Variants in TUBB2A observed in about 807,000 individuals in gnomAD.
The protein encoded by TUBB2A is tubulin beta-2A chain.
In TUBB2A, 7 loss-of-function variants were observed where a neutral mutation model predicts 33.9. That is an observed-to-expected ratio of 0.21 (90% confidence interval 0.12 to 0.39). The LOEUF (loss-of-function observed/expected upper bound fraction) is 0.39. Among genes scored for constraint, TUBB2A ranks in the 10% least tolerant of loss-of-function variants. TUBB2A has a pLI of 1.00. For missense variants in TUBB2A, 80 were observed against 593.4 expected (o/e 0.13, Z 8.99); for synonymous variants, 187 against 247.6 (o/e 0.76, Z 2.30).
At position 3,154,556 on chromosome 6, in the gene TUBB2A, C is replaced by T. The variant is rs1762599878; in HGVS notation, c.645G>A (p.Leu215=). Residue 215 remains leucine, a synonymous_variant, in exon 4 of 4, where the codon CTG becomes CTA. Coordinates refer to ENST00000333628, the MANE Select transcript of TUBB2A (RefSeq NM_001069.3). The stretch of plus-strand genomic sequence containing the variant: ...CCCCGTAGGTGGGGGTGGTCAGCTT[C>T]AGGGTGCGGAAGCAGATGTCATACA... ...EALYDICFRT[L]KLTTPTYGDL... The T allele has an allele frequency of 6.2e-7, 1 of 1,613,424 alleles. No individual in the cohort carries two copies. Among genetic ancestry groups the T allele is most frequent in the African/African-American group, 1.3e-5 (1 of 74,720 alleles).
In TUBB2A at chr6:3,153,847, T is replaced by C. The variant is rs770665341; in HGVS notation, c.*16A>G. 11 of 1,613,934 alleles carry C rather than the reference T, an allele frequency of 6.8e-6. No individual in the cohort carries two copies. The highest frequency in any genetic ancestry group is 6.7e-5 in the Admixed American group (4 of 60,022). On this transcript the variant is annotated 3_prime_UTR_variant, in exon 4 of 4. Transcript: ENST00000333628. Reference sequence around the variant, plus strand: ...ACAGAAGTTCACTAAGGATGCACGATTGATCTGAGAAGTTTTTAAGCCTCG... The same window carrying C: ...ACAGAAGTTCACTAAGGATGCACGACTGATCTGAGAAGTTTTTAAGCCTCG...
intron 1 of TUBB2A, 38 bp downstream of exon 1, chr6:3,157,368 CG>C: frequency 6.8e-7 from 1 of 1,460,662 alleles, no homozygotes; most frequent in Non-Finnish European, 9.0e-7. Context: ...CCCGCACCCT[CG>C]GTCCCAACCC....
chr6:3,156,966 C>A (rs1184199671), intron 1 of TUBB2A, among the ~76,000 whole-genome samples: 1 of 152,186 alleles, frequency 6.6e-6, no homozygotes, highest in Non-Finnish European at 1.5e-5. Context: ...AGTGCCCGAG[C>A]AAGGGAATTT....
Position 3,155,168 on chromosome 6 carries a change from G to GT in TUBB2A, c.278-246_278-245insA, listed in dbSNP as rs1234556482. On this transcript the variant is annotated intron_variant, in intron 3 of 3. Coordinates refer to ENST00000333628, the MANE Select transcript of TUBB2A (RefSeq NM_001069.3). This position sits in a 1 kb window ranked among gnomAD's most constrained non-coding sequence, Gnocchi z 4.2. ...TTGATTGAGGAAGAGGATAGGGTTA[G>GT]AAAACTTAATTGGTTCTGAAATACA... is the stretch of plus-strand genomic sequence containing the variant. 4 of 1,098,412 alleles carry GT rather than the reference G, an allele frequency of 3.6e-6. No individual in the cohort carries two copies. The highest frequency in any genetic ancestry group is 5.0e-6 in the Non-Finnish European group (4 of 792,882). The allele number at this position is 1,098,412 out of a possible 1,614,324, so 68.0% of individuals were successfully genotyped here.
At position 3,155,382 on chromosome 6, in the gene TUBB2A, C is replaced by T. The variant is rs1195112008; in HGVS notation, c.277+243G>A. 6.6e-6 allele frequency among the ~76,000 whole-genome samples: 1 copy of T among 152,188 alleles called. No homozygotes were observed. The highest frequency in any genetic ancestry group is 1.9e-4 in the East Asian group (1 of 5,196). The stretch of plus-strand genomic sequence containing the variant: ...CTATGAAGCCTGGCTTGAAGCTTTT[C>T]CTTGCTCTTTCTTCCTTCCAGTCTG... On this transcript the variant is annotated intron_variant, in intron 3 of 3. Transcript: ENST00000333628. The surrounding 1 kb of genome is among the most constrained non-coding windows in gnomAD (Gnocchi z 4.2).
chr6:3,156,927 T>C (rs1048086997), intron 1 of TUBB2A, among the ~76,000 whole-genome samples: 2 of 151,982 alleles, frequency 1.3e-5, no homozygotes, highest in African/African-American at 4.8e-5. Context: ...GCAGCAAGAC[T>C]ATCGCGTTGT....
At position 3,154,856 on chromosome 6, in the gene TUBB2A, C is replaced by A. The variant is rs754658850; in HGVS notation, c.345G>T (p.Ser115=). The change falls in exon 4 of 4, where the codon TCG becomes TCT. Residue 115 remains serine, a synonymous_variant. Transcript: ENST00000333628. ...ACTCCTTCCTCACCACATCCAGGAC[C>A]GAGTCGACCAGCTCGGCTCCCTCTG... ...HYTEGAELVD[S]VLDVVRKESE... The A allele has an allele frequency of 1.9e-6, 3 of 1,613,452 alleles. No individual in the cohort carries two copies. In the South Asian group the frequency reaches 3.3e-5, roughly 18 times the overall value.
At chr6:3,157,350 G>C (rs945985926) in intron 1 of TUBB2A, 57 bp downstream of exon 1, 17 of 1,377,864 alleles carry the variant, frequency 1.2e-5, no homozygotes, top group Non-Finnish European at 1.6e-5. Context: ...CCCCCGCCCC[G>C]GCCCCAGCCC....
In TUBB2A at chr6:3,155,662, G is replaced by T. The variant is rs1054310; in HGVS notation, c.240C>A (p.Pro80=). The change falls in exon 3 of 4, where the codon CCC becomes CCA. Residue 80 remains proline (P), a synonymous_variant. Transcript: ENST00000333628. This position sits in a 1 kb window ranked among gnomAD's most constrained non-coding sequence, Gnocchi z 4.2. ...TGTCTGGTCTGAAGATCTGGCCGAAGGGTCCAGACCTGACAGAGTCCATGG... is the reference window on the plus strand; with the variant it reads ...TGTCTGGTCTGAAGATCTGGCCGAATGGTCCAGACCTGACAGAGTCCATGG... ...PGTMDSVRSG[P]FGQIFRPDNF... is the part of the protein sequence containing the mutation. 6 of 1,613,716 alleles carry T rather than the reference G, an allele frequency of 3.7e-6. No individual in the cohort carries two copies. Among genetic ancestry groups the T allele is most frequent in the Non-Finnish European group, 4.2e-6 (5 of 1,179,886 alleles).
rs1325009128 is a variant in TUBB2A at position 3,155,327 on chromosome 6, TCTTTGAAGTC to T, written c.277+288_277+297del. Reference sequence around the variant, plus strand: ...ATAACCTGTGCTTTTGGCCCCTGGCTCTTTGAAGTCCTTTCAAGTTGCCTATAGCCTATGA... The same window carrying T: ...ATAACCTGTGCTTTTGGCCCCTGGCTCTTTCAAGTTGCCTATAGCCTATGA... On this transcript the variant is annotated intron_variant, in intron 3 of 3. Coordinates refer to ENST00000333628, the MANE Select transcript of TUBB2A (RefSeq NM_001069.3). This position sits in a 1 kb window ranked among gnomAD's most constrained non-coding sequence, Gnocchi z 4.2. Among the ~76,000 whole-genome samples the T allele has an allele frequency of 1.3e-5, 2 of 152,236 alleles. No homozygotes were observed. The highest frequency in any genetic ancestry group is 2.9e-5 in the Non-Finnish European group (2 of 68,034).
Position 3,153,967 on chromosome 6 carries a change from C to T in TUBB2A, c.1234G>A (p.Glu412Lys), listed in dbSNP as rs1451262691. ...GMDEMEFTEA[E>K]SNMNDLVSEY... ...GACACCAGGTCGTTCATGTTGCTCT[C>T]GGCCTCGGTGAACTCCATCTCGTCC... The change falls in exon 4 of 4, where the codon GAG (glutamate) becomes AAG (lysine). Residue 412 changes from glutamate to lysine, a missense_variant. Physicochemically the swap from Glu to Lys is moderately conservative, Grantham distance 56. Around this residue, in one of 5 missense-constraint regions of TUBB2A, gnomAD observed 25 missense variants for 350.5 expected, o/e 0.07. Transcript: ENST00000333628. 1.2e-6 allele frequency: 2 copies of T among 1,609,512 alleles called. No individual in the cohort carries two copies. Among genetic ancestry groups the T allele is most frequent in the Non-Finnish European group, 1.7e-6 (2 of 1,178,664 alleles).
intron 1 of TUBB2A, among the ~76,000 whole-genome samples, chr6:3,156,850 G>A (rs943737037): frequency 6.6e-6 from 1 of 152,034 alleles, no homozygotes; most frequent in African/African-American, 2.4e-5. Context: ...ACCCGCTGCT[G>A]CCTCCCACAC....
Position 3,155,280 on chromosome 6 carries a change from C to T in TUBB2A, c.277+345G>A, listed in dbSNP as rs903582600. 2.6e-5 allele frequency among the ~76,000 whole-genome samples: 4 copies of T among 152,254 alleles called. No homozygotes were observed. The highest frequency in any genetic ancestry group is 9.6e-5 in the African/African-American group (4 of 41,470). On this transcript the variant is annotated intron_variant, in intron 3 of 3. Transcript: ENST00000333628. This position sits in a 1 kb window ranked among gnomAD's most constrained non-coding sequence, Gnocchi z 4.2. ...GTGTGACCAGCAGAGAAGGTGGCCT[C>T]AGCATCTGTCTAGCTCTGGTCATAA...
chr6:3,156,873 T>C (rs1488116095), intron 1 of TUBB2A, among the ~76,000 whole-genome samples: 2 of 151,732 alleles, frequency 1.3e-5, no homozygotes, highest in African/African-American at 4.9e-5. Flanking sequence ...CGGTCGGTAA[T>C]TGCAGCCCCC....
intron 1 of TUBB2A, 152 bp downstream of exon 1, chr6:3,157,255 G>T: frequency 1.2e-6 from 1 of 866,648 alleles, no homozygotes; most frequent in Non-Finnish European, 1.5e-6. Context: ...GCATCCTGGC[G>T]GGTCATGCAG....
At chr6:3,157,313 C>T (rs992482047) in intron 1 of TUBB2A, 94 bp downstream of exon 1, 2 of 1,247,396 alleles carry the variant, frequency 1.6e-6, no homozygotes, top group African/African-American at 3.2e-5. Flanking sequence ...TGCCACCCGG[C>T]CAGCCCGGGG....
Position 3,153,749 on chromosome 6 carries a change from A to G in TUBB2A, c.*114T>C. Reference sequence around the variant, plus strand: ...TAGAGGAGTTCCACATCATTACATCAACAGTGTGAATTTCTAACAGAGGCA... The same window carrying G: ...TAGAGGAGTTCCACATCATTACATCGACAGTGTGAATTTCTAACAGAGGCA... On this transcript the variant is annotated 3_prime_UTR_variant, in exon 4 of 4. Transcript: ENST00000333628. 3 of 1,484,810 alleles carry G rather than the reference A, an allele frequency of 2.0e-6. No individual in the cohort carries two copies. The highest frequency in any genetic ancestry group is 2.8e-6 in the Non-Finnish European group (3 of 1,090,412). The allele number at this position is 1,484,810 out of a possible 1,614,324, so 92.0% of individuals were successfully genotyped here. A position where few individuals can be genotyped will look rare whatever the true frequency, so the allele number is the denominator to read the frequency against.
intron 1 of TUBB2A, 113 bp downstream of exon 1, chr6:3,157,294 C>G: frequency 8.4e-7 from 1 of 1,189,090 alleles, no homozygotes; most frequent in Non-Finnish European, 1.0e-6. Flanking sequence ...GCGGCCTCGC[C>G]GCGGAATGTG....
intron 1 of TUBB2A, among the ~76,000 whole-genome samples, chr6:3,156,488 G>A (rs1431602362): frequency 2.0e-5 from 3 of 152,306 alleles, no homozygotes; most frequent in Non-Finnish European, 2.9e-5. Flanking sequence ...ACCCCAGGCA[G>A]GGCTGAATGC....
Sources: allele counts gnomAD v4.1 joint callset (sites outside exome capture counted in the v4.1 genomes callset), GRCh38; gene constraint gnomAD v4.1.1; regional missense constraint gnomAD v4.1.1; non-coding constraint Gnocchi (gnomAD v3.1); transcripts MANE v1.5; gene names NCBI Gene and HGNC (gene_info 2026-07-23, HGNC 2026-07-21).